SMYD3: variants seen among roughly 807,000 people sequenced by gnomAD.
The protein encoded by SMYD3 is SET and MYND domain containing 3, also known as histone-lysine N-methyltransferase SMYD3.
A neutral mutation model predicts 57.7 loss-of-function variants in SMYD3; 36 were observed. That is an observed-to-expected ratio of 0.62 (90% CI 0.48 to 0.82). SMYD3 has a LOEUF of 0.82. SMYD3 is among the 40% of genes least tolerant of loss of function. SMYD3 has a pLI of 0.00. For synonymous variants in SMYD3, 211 were observed against 195.0 expected (o/e 1.08, Z -0.68); for missense variants, 515 against 538.8 (o/e 0.96, Z 0.44).
intron 1 of SMYD3, among the ~76,000 whole-genome samples, chr1:246,384,340 G>A (rs1330506696): frequency 6.6e-6 from 1 of 151,848 alleles, no homozygotes; most frequent in East Asian, 1.9e-4. Context: ...AACAGAGATG[G>A]ACACACACAC....
intron 5 of SMYD3, among the ~76,000 whole-genome samples, chr1:246,061,449 A>G (rs10924480): frequency 0.83 from 126,476 of 151,920 alleles, 53,144 homozygotes; most frequent in Admixed American, 0.89. Flanking sequence ...AGCCAGGCAC[A>G]GAGACTCGTG....
At position 246,083,514 on chromosome 1, in the gene SMYD3, C is replaced by CGGGTCCTCCGTATGCTGAGCGA. The variant is rs539230610; in HGVS notation, c.532-153578_532-153577insTCGCTCAGCATACGGAGGACCC. ...GGGAACTCAGAGGCTGGTGCCGGCG[C>CGGGTCCTCCGTATGCTGAGCGA]GGGTCCCCTGCGCCCACTTTTCCTT... On this transcript the variant is annotated intron_variant, in intron 5 of 11. Transcript: ENST00000490107. Among the ~76,000 whole-genome samples, 415 of 150,548 alleles carry CGGGTCCTCCGTATGCTGAGCGA rather than the reference C, an allele frequency of 2.8e-3. 17 individuals carry two copies. The South Asian group carries it at 0.084, about 31-fold the overall frequency.
intron 5 of SMYD3, among the ~76,000 whole-genome samples, chr1:246,306,253 A>G (rs2148623136): frequency 6.6e-6 from 1 of 152,264 alleles, no homozygotes. Flanking sequence ...AGGCTGAGGC[A>G]GGAGAATCAC....
At position 246,079,405 on chromosome 1, in the gene SMYD3, G is replaced by A. The variant is rs149008945; in HGVS notation, c.532-149468C>T. On this transcript the variant is annotated intron_variant, in intron 5 of 11. Coordinates refer to ENST00000490107, the MANE Select transcript of SMYD3 (RefSeq NM_001167740.2). ...TTCCCATCACATAATGAAGATTGAT[G>A]TATTTATTACTTGGTGGTGTGAATT... 2.3e-4 allele frequency among the ~76,000 whole-genome samples: 35 copies of A among 152,308 alleles called. 1 individual carries two copies. In the East Asian group the frequency reaches 6.0e-3, roughly 26 times the overall value.
chr1:246,118,121 T>C (rs1024011953), intron 5 of SMYD3, among the ~76,000 whole-genome samples: 4 of 152,122 alleles, frequency 2.6e-5, no homozygotes, highest in African/African-American at 9.7e-5. Context: ...AAACCTGAAG[T>C]GCTAAAAAAT....
chr1:246,448,608 G>A (rs992025884), intron 1 of SMYD3, among the ~76,000 whole-genome samples: 1 of 143,736 alleles, frequency 7.0e-6, no homozygotes, highest in African/African-American at 2.6e-5. Context: ...CTAGCAACTA[G>A]CCCAGGAAGC....
chr1:246,120,801 T>A (rs2061413270), intron 5 of SMYD3, among the ~76,000 whole-genome samples: 1 of 152,146 alleles, frequency 6.6e-6, no homozygotes, highest in South Asian at 2.1e-4. Context: ...GTATTTGGGG[T>A]TAGTTATGTA....
rs186704338 is a variant in SMYD3, at chr1:245,767,409, G to A, written c.1077-3260C>T. On this transcript the variant is annotated intron_variant, in intron 10 of 11. Transcript: ENST00000490107. ...GCCCTTGGTTAGCATGTAGTTTGCA[G>A]GTGAGGCAAATGAAATCATGATATA... Among the ~76,000 whole-genome samples, 335 of 152,296 alleles carry A rather than the reference G, an allele frequency of 2.2e-3. 1 individual carries two copies. The highest frequency in any genetic ancestry group is 7.8e-3 in the African/African-American group (324 of 41,558).
At chr1:245,816,517 TAAA>T (rs35612835) in intron 10 of SMYD3, among the ~76,000 whole-genome samples, 2 of 100,212 alleles carry the variant, frequency 2.0e-5, no homozygotes, top group Admixed American at 1.1e-4. Flanking sequence ...TTCATCTATG[TAAA>T]AAAAAAAAAA....
chr1:245,809,048 C>T (rs1374961472), intron 10 of SMYD3, among the ~76,000 whole-genome samples: 1 of 152,180 alleles, frequency 6.6e-6, no homozygotes, highest in African/African-American at 2.4e-5. Context: ...AGCCACTGCT[C>T]CTGGCCGGTT....
At chr1:245,848,189 T>C (rs925794617) in intron 10 of SMYD3, among the ~76,000 whole-genome samples, 2 of 151,574 alleles carry the variant, frequency 1.3e-5, no homozygotes, top group African/African-American at 4.8e-5. Flanking sequence ...AGCCTCGACC[T>C]CCATGGGCTC....
chr1:246,162,868 C>T (rs1394096665), intron 5 of SMYD3, among the ~76,000 whole-genome samples: 2 of 152,180 alleles, frequency 1.3e-5, no homozygotes, highest in Non-Finnish European at 2.9e-5. Context: ...TGGTAGAGCA[C>T]AACCAACTTA....
intron 3 of SMYD3, 81 bp downstream of exon 3, chr1:246,335,286 T>C: frequency 8.2e-7 from 1 of 1,220,674 alleles, no homozygotes; most frequent in East Asian, 2.3e-5. Context: ...ACCTGCAACA[T>C]CTCTGAGGTA....
At chr1:245,753,496 G>A (rs1466220712) in intron 11 of SMYD3, among the ~76,000 whole-genome samples, 5 of 152,248 alleles carry the variant, frequency 3.3e-5, no homozygotes, top group Non-Finnish European at 7.3e-5. Context: ...ATTCACACCT[G>A]GTGATGAGGA....
chr1:246,122,053 G>A (rs76152390), intron 5 of SMYD3, among the ~76,000 whole-genome samples: 12,179 of 145,052 alleles, frequency 0.084, 981 homozygotes, highest in African/African-American at 0.21. Context: ...TGAACAGGAA[G>A]AAAAGACTAA....
chr1:245,773,916 C>T (rs925783130), intron 10 of SMYD3, among the ~76,000 whole-genome samples: 1 of 152,072 alleles, frequency 6.6e-6, no homozygotes, highest in Non-Finnish European at 1.5e-5. Flanking sequence ...AACTTAACAG[C>T]AGAAAGTTTA....
At chr1:246,035,415 GCC>G (rs1553273521) in intron 5 of SMYD3, 1 of 152,212 alleles carries the variant, frequency 6.6e-6, no homozygotes, top group Non-Finnish European at 1.5e-5. Context: ...GAGGGTCACA[GCC>G]CCGCGGCACA....
chr1:246,137,663 T>C (rs2061684103), intron 5 of SMYD3, among the ~76,000 whole-genome samples: 1 of 152,152 alleles, frequency 6.6e-6, no homozygotes, highest in African/African-American at 2.4e-5. Context: ...ATAACCCAAT[T>C]CAGCAACCAC....
At chr1:245,877,002 T>C (rs557180962) in intron 8 of SMYD3, among the ~76,000 whole-genome samples, 4 of 151,934 alleles carry the variant, frequency 2.6e-5, no homozygotes, top group East Asian at 1.9e-4. Flanking sequence ...AGAGGATGCA[T>C]GAGTTCAGGC....
Sources: allele counts gnomAD v4.1 joint callset (sites outside exome capture counted in the v4.1 genomes callset), GRCh38; gene constraint gnomAD v4.1.1; transcripts MANE v1.5; gene names NCBI Gene and HGNC (gene_info 2026-07-23, HGNC 2026-07-21).